The following SLIT3 variants were observed in gnomAD, a reference collection of about 807,000 sequenced individuals.
SLIT3 encodes the protein slit guidance ligand 3, also known as slit homolog 3 protein.
A neutral mutation model predicts 184.0 loss-of-function variants in SLIT3; 68 were observed. The observed-to-expected ratio is 0.37, with a 90% confidence interval of 0.30 to 0.45. The LOEUF (loss-of-function observed/expected upper bound fraction) is 0.45, where lower values mean the gene tolerates loss of function less well. Ranked by LOEUF, SLIT3 falls within the 20% of genes least tolerant of loss-of-function variation. SLIT3 has a pLI of 1.00. For missense variants in SLIT3, 1,707 were observed against 2,026.0 expected (o/e 0.84, Z 3.02); for synonymous variants, 831 against 828.6 (o/e 1.00, Z -0.05).
At chr5:169,232,944 T>C (rs993253068) in intron 3 of SLIT3, among the ~76,000 whole-genome samples, 13 of 152,218 alleles carry the variant, frequency 8.5e-5, no homozygotes, top group Non-Finnish European at 1.5e-4. Context: ...TCATCTTTAA[T>C]TTCTTCCAGT....
intron 4 of SLIT3, among the ~76,000 whole-genome samples, chr5:168,898,238 A>G (rs564815828): frequency 6.7e-4 from 102 of 152,272 alleles, no homozygotes; most frequent in African/African-American, 2.3e-3. Flanking sequence ...TATTGATCAT[A>G]AGAGGGCCTG....
In SLIT3 at chr5:168,945,527, C is replaced by T. The variant is rs894380407; in HGVS notation, c.414-62191G>A. ...CCGGGATTACAGGCATGAGCCACCA[C>T]GCCCGGCCCAGTATCCGGTCTTAGG... On this transcript the variant is annotated intron_variant, in intron 4 of 35. Coordinates refer to ENST00000519560, the MANE Select transcript of SLIT3 (RefSeq NM_003062.4). Among the ~76,000 whole-genome samples the T allele has an allele frequency of 3.3e-5, 5 of 152,228 alleles. 1 individual carries two copies. The highest frequency in any genetic ancestry group is 2.1e-4 in the South Asian group (1 of 4,834).
At chr5:168,912,292 G>A (rs1349931092) in intron 4 of SLIT3, among the ~76,000 whole-genome samples, 1 of 152,128 alleles carries the variant, frequency 6.6e-6, no homozygotes. Context: ...TATGTTATTG[G>A]TAAGAGCCTA....
chr5:168,855,746 G>A (rs1312037104), intron 5 of SLIT3, among the ~76,000 whole-genome samples: 2 of 152,138 alleles, frequency 1.3e-5, no homozygotes, highest in Non-Finnish European at 2.9e-5. Flanking sequence ...AGTGACTGCC[G>A]AATGGGTACA....
At chr5:168,760,640 A>G (rs562605236) in intron 16 of SLIT3, among the ~76,000 whole-genome samples, 1 of 152,116 alleles carries the variant, frequency 6.6e-6, no homozygotes, top group South Asian at 2.1e-4. Context: ...ATGGTGTGGA[A>G]TGCTCGCTCT....
At chr5:169,109,797 T>A (rs561467494) in intron 4 of SLIT3, among the ~76,000 whole-genome samples, 79 of 152,328 alleles carry the variant, frequency 5.2e-4, no homozygotes, top group South Asian at 3.3e-3. Flanking sequence ...TCTGTTTCCA[T>A]ATTGACTTCA....
chr5:168,913,851 G>A (rs1761345965), intron 4 of SLIT3, among the ~76,000 whole-genome samples: 1 of 151,904 alleles, frequency 6.6e-6, no homozygotes, highest in Non-Finnish European at 1.5e-5. Flanking sequence ...TTCCTCTAAA[G>A]AGGTTAATAT....
chr5:169,105,952 T>C (rs140511279), intron 4 of SLIT3, among the ~76,000 whole-genome samples: 243 of 151,934 alleles, frequency 1.6e-3, no homozygotes, highest in African/African-American at 5.6e-3. Context: ...GAATGATTTA[T>C]ATTTCTTTGG....
At chr5:169,121,967 C>G (rs975762560) in intron 4 of SLIT3, among the ~76,000 whole-genome samples, 1 of 152,222 alleles carries the variant, frequency 6.6e-6, no homozygotes, top group Non-Finnish European at 1.5e-5. Flanking sequence ...TGTTCATAAG[C>G]TGCCCTGGGA....
chr5:168,762,092 T>C (rs1755175546), intron 15 of SLIT3, among the ~76,000 whole-genome samples: 1 of 150,278 alleles, frequency 6.7e-6, no homozygotes, highest in African/African-American at 2.4e-5. Context: ...TTTTAGCTCT[T>C]TTTTTTTTGA....
intron 4 of SLIT3, among the ~76,000 whole-genome samples, chr5:169,080,904 T>G (rs986868652): frequency 3.3e-5 from 5 of 151,988 alleles, no homozygotes; most frequent in Non-Finnish European, 7.4e-5. Context: ...TCATATTTCA[T>G]GGTTTTAAAG....
At position 169,143,468 on chromosome 5, in the gene SLIT3, T is replaced by G. The variant is rs60001216; in HGVS notation, c.413+50011A>C. ...CGATGCCCTAACCCTCACACTACAT[T>G]GCTGCAGTATGATTTCAACTTTGTT... On this transcript the variant is annotated intron_variant, in intron 4 of 35. Transcript: ENST00000519560. 2.2e-3 allele frequency among the ~76,000 whole-genome samples: 328 copies of G among 152,322 alleles called. 3 individuals are homozygous for G. Among genetic ancestry groups the G allele is most frequent in the African/African-American group, 7.7e-3 (322 of 41,554 alleles).
At chr5:169,039,503 G>A (rs957670844) in intron 4 of SLIT3, among the ~76,000 whole-genome samples, 24 of 151,936 alleles carry the variant, frequency 1.6e-4, no homozygotes, top group African/African-American at 5.3e-4. Context: ...TTTTTTAGTA[G>A]AGACGGGGTT....
chr5:169,129,522 A>C (rs979823235), intron 4 of SLIT3, among the ~76,000 whole-genome samples: 12 of 152,164 alleles, frequency 7.9e-5, no homozygotes, highest in Admixed American at 5.9e-4. Flanking sequence ...ATTGCACTCC[A>C]GCCTGGGCAA....
At position 168,721,732 on chromosome 5, in the gene SLIT3, A is replaced by G. The variant is rs186463583; in HGVS notation, c.2483+524T>C. ...TATTAAGCTTTGTGTTCTTAAAAAG[A>G]CACTCTATGAGCCAACCCCACAATT... On this transcript the variant is annotated intron_variant, in intron 23 of 35. Coordinates refer to ENST00000519560, the MANE Select transcript of SLIT3 (RefSeq NM_003062.4). Among the ~76,000 whole-genome samples, 290 of 152,332 alleles carry G rather than the reference A, an allele frequency of 1.9e-3. 3 individuals are homozygous for G. Among genetic ancestry groups the G allele is most frequent in the South Asian group, 0.015 (73 of 4,828 alleles).
At chr5:169,211,015 C>T (rs77529459) in intron 3 of SLIT3, among the ~76,000 whole-genome samples, 9,639 of 152,134 alleles carry the variant, frequency 0.063, 471 homozygotes, top group East Asian at 0.19. Flanking sequence ...TTGATCTCAT[C>T]TCTTATTTCA....
At chr5:168,905,051 C>T (rs566661964) in intron 4 of SLIT3, among the ~76,000 whole-genome samples, 11 of 152,236 alleles carry the variant, frequency 7.2e-5, no homozygotes, top group African/African-American at 2.6e-4. Flanking sequence ...GCAGCGTGCA[C>T]CTGTAGTCCC....
intron 4 of SLIT3, among the ~76,000 whole-genome samples, chr5:168,913,744 A>T (rs1394311144): frequency 1.3e-5 from 2 of 151,446 alleles, no homozygotes; most frequent in African/African-American, 2.4e-5. Flanking sequence ...TCCGTCTCAA[A>T]AAAAAAAACA....
intron 4 of SLIT3, among the ~76,000 whole-genome samples, chr5:168,895,822 A>G (rs1283903371): frequency 6.6e-6 from 1 of 151,782 alleles, no homozygotes; most frequent in African/African-American, 2.4e-5. Context: ...GATTTACACC[A>G]AGTTGGAAGT....
Sources: gnomAD v4.1 joint callset for allele counts (sites outside exome capture counted in the v4.1 genomes callset) on GRCh38, gnomAD v4.1.1 for gene constraint, MANE v1.5 for transcripts, NCBI Gene and HGNC (gene_info 2026-07-23, HGNC 2026-07-21) for gene names.